Variants in CLPB observed in about 807,000 individuals in gnomAD.
CLPB encodes ClpB family mitochondrial disaggregase.
In CLPB, 40 loss-of-function variants were observed where a neutral mutation model predicts 78.4. The ratio of observed to expected loss-of-function variants is 0.51; its 90% CI spans 0.40 to 0.66. The LOEUF (loss-of-function observed/expected upper bound fraction) is 0.66, where lower values mean the gene tolerates loss of function less well. Ranked by LOEUF, CLPB falls within the 30% of genes least tolerant of loss-of-function variation. The probability of loss-of-function intolerance (pLI) is 0.00; values close to 1 mark genes in which losing one functional copy is unlikely to be tolerated. For missense variants in CLPB, 780 were observed against 886.9 expected, an observed-to-expected ratio of 0.88 and a Z score of 1.53; for synonymous variants, 333 against 348.0, an observed-to-expected ratio of 0.96 and a Z score of 0.48.
At chr11:72,424,904 C>CAA (rs1251770402) in intron 2 of CLPB, among the ~76,000 whole-genome samples, 6 of 149,212 alleles carry the variant, frequency 4.0e-5, no homozygotes, top group African/African-American at 1.5e-4. Context: ...CAAAACAAAA[C>CAA]AAAAAAAAAC....
intron 1 of CLPB, 90 bp from the exon 2 acceptor site, chr11:72,430,453 C>T: frequency 8.9e-7 from 1 of 1,124,696 alleles, no homozygotes. Context: ...AGTGGCAGTA[C>T]TTTAGAAACG....
intron 5 of CLPB, among the ~76,000 whole-genome samples, chr11:72,342,280 A>G (rs1164097179): frequency 6.6e-6 from 1 of 152,210 alleles, no homozygotes; most frequent in Non-Finnish European, 1.5e-5. Flanking sequence ...AGGTGGTATA[A>G]AAACCATGGA....
In CLPB at chr11:72,298,344, C is replaced by T. The variant is rs77206621; in HGVS notation, c.1330-2696G>A. Among the ~76,000 whole-genome samples the T allele has an allele frequency of 1.8e-3, 269 of 152,326 alleles. 2 individuals are homozygous for T. Among genetic ancestry groups the T allele is most frequent in the African/African-American group, 6.2e-3 (259 of 41,554 alleles). On this transcript the variant is annotated intron_variant, in intron 11 of 15. Coordinates refer to ENST00000538039, the MANE Select transcript of CLPB (RefSeq NM_001258392.3). ...CCTGGCACTTGCTGCTTGTCCCTAGCGCAGCACCGACCACAGTGGACTGAA... is the reference window on the plus strand; with the variant it reads ...CCTGGCACTTGCTGCTTGTCCCTAGTGCAGCACCGACCACAGTGGACTGAA...
At chr11:72,370,522 G>A (rs77908390) in intron 4 of CLPB, among the ~76,000 whole-genome samples, 1,552 of 152,304 alleles carry the variant, frequency 0.01, 29 homozygotes, top group East Asian at 0.063. Context: ...GGATGAGGAA[G>A]GGGCTGTGAC....
intron 6 of CLPB, among the ~76,000 whole-genome samples, chr11:72,328,050 T>A (rs775757808): frequency 2.6e-5 from 4 of 152,194 alleles, no homozygotes; most frequent in Non-Finnish European, 5.9e-5. Context: ...CATGGTAGGA[T>A]CACTCTTCTT....
At position 72,390,166 on chromosome 11, in the gene CLPB, A is replaced by C. The variant is rs567199875; in HGVS notation, c.543-9782T>G. Among the ~76,000 whole-genome samples, 3 of 152,058 alleles carry C rather than the reference A, an allele frequency of 2.0e-5. No homozygotes were observed. The South Asian group carries it at 6.3e-4, about 32-fold the overall frequency. On this transcript the variant is annotated intron_variant, in intron 3 of 15. Transcript: ENST00000538039. ...TCAGAAGGCCCAACATGCCAGGCGC[A>C]GTGGCTCATGCCTATAATCCCAGCA...
Position 72,307,242 on chromosome 11 carries a change from A to C in CLPB, c.1079T>G (p.Leu360Arg). 2 of 1,613,976 alleles carry C rather than the reference A, an allele frequency of 1.2e-6. No individual in the cohort carries two copies. Among genetic ancestry groups the C allele is most frequent in the Non-Finnish European group, 1.7e-6 (2 of 1,180,020 alleles). Residue 360 changes from leucine (L) to arginine (R), a missense_variant, in exon 9 of 16, where the codon CTG (leucine) becomes CGG (arginine). Transcript: ENST00000538039. ...CATATATTTGGCTGTCTGCTTGGCC[A>C]GCTCTGTTTTTCCTAGTAAGAAAGA... ...LGSSGIGKTE[L>R]AKQTAKYMHK...
intron 11 of CLPB, among the ~76,000 whole-genome samples, chr11:72,298,452 C>T (rs1949597173): frequency 6.6e-6 from 1 of 152,202 alleles, no homozygotes; most frequent in Non-Finnish European, 1.5e-5. Context: ...CCCCTCTACC[C>T]CACACAGCGC....
Position 72,293,477 on chromosome 11 carries a change from C to T in CLPB, c.1924G>A (p.Glu642Lys). Residue 642 changes from glutamate (E) to lysine (K), a missense_variant, in exon 16 of 16, where the codon GAG becomes AAG. Glu to Lys is a moderately conservative substitution (Grantham distance 56). Around this residue, in one of 3 missense-constraint regions of CLPB, gnomAD observed 272 missense variants for 304.0 expected, o/e 0.89. Coordinates refer to ENST00000538039, the MANE Select transcript of CLPB (RefSeq NM_001258392.3). ...KSPELPSPQA[E>K]KRLPKLRLEI... Reference sequence around the variant, plus strand: ...AGACGCAGCTTGGGGAGGCGCTTCTCAGCCTGGGGTGAGGGCAGTTCTGGG... The same window carrying T: ...AGACGCAGCTTGGGGAGGCGCTTCTTAGCCTGGGGTGAGGGCAGTTCTGGG... The T allele has an allele frequency of 6.2e-7, 1 of 1,614,196 alleles. No homozygotes were observed. Among genetic ancestry groups the T allele is most frequent in the Non-Finnish European group, 8.5e-7 (1 of 1,180,026 alleles).
At position 72,380,350 on chromosome 11, in the gene CLPB, G is replaced by T. The variant is rs1220108445; in HGVS notation, c.577C>A (p.Pro193Thr). The T allele has an allele frequency of 6.2e-7, 1 of 1,614,008 alleles. No homozygotes were observed. The highest frequency in any genetic ancestry group is 1.7e-5 in the Admixed American group (1 of 60,004). Residue 193 changes from proline (P) to threonine (T), a missense_variant, in exon 4 of 16, where the codon CCA becomes ACA. Coordinates refer to ENST00000538039, the MANE Select transcript of CLPB (RefSeq NM_001258392.3). ...CTGCTGAAATCATCTCCAAGGTTTGGATCAGCCCCAGCAGCAAGCAGGACC... is the reference window on the plus strand; with the variant it reads ...CTGCTGAAATCATCTCCAAGGTTTGTATCAGCCCCAGCAGCAAGCAGGACC... ...VQVLLAAGAD[P>T]NLGDDFSSVY...
At chr11:72,429,632 C>A (rs1392242131) in intron 2 of CLPB, among the ~76,000 whole-genome samples, 4 of 152,234 alleles carry the variant, frequency 2.6e-5, no homozygotes, top group Non-Finnish European at 5.9e-5. Flanking sequence ...CTGCCCTTAA[C>A]CAACAGCCCT....
intron 3 of CLPB, among the ~76,000 whole-genome samples, 183 bp from the exon 4 acceptor site, chr11:72,380,567 C>T (rs1854880933): frequency 6.6e-6 from 1 of 152,108 alleles, no homozygotes; most frequent in African/African-American, 2.4e-5. Context: ...GACAGGAGAT[C>T]TTAGCCGGGT....
chr11:72,417,704 G>C (rs1162767942), intron 2 of CLPB, among the ~76,000 whole-genome samples: 1 of 152,182 alleles, frequency 6.6e-6, no homozygotes, highest in South Asian at 2.1e-4. Context: ...CACCCAAAGA[G>C]GGCTGGATGT....
chr11:72,357,624 A>G (rs1436668181), intron 5 of CLPB, among the ~76,000 whole-genome samples: 1 of 142,498 alleles, frequency 7.0e-6, no homozygotes, highest in Non-Finnish European at 1.5e-5. Context: ...TGAACCCGGG[A>G]GGCAGAGGTC....
chr11:72,355,487 A>G (rs1950695766), intron 5 of CLPB: 1 of 152,218 alleles, frequency 6.6e-6, no homozygotes, highest in South Asian at 2.1e-4. Flanking sequence ...GGAACCTACC[A>G]TGTGCCTGCC....
In CLPB at chr11:72,301,932, G is replaced by A. The variant is rs536717344; in HGVS notation, c.1200C>T (p.Tyr400=). 6.2e-6 allele frequency: 10 copies of A among 1,614,152 alleles called. No homozygotes were observed. Among genetic ancestry groups the A allele is most frequent in the African/African-American group, 4.0e-5 (3 of 75,024 alleles). ...VAKFIGSPPG[Y]VGHEEGGQLT... ...GCTGGCCACCCTCCTCATGGCCAAC[G>A]TAGCCTGGTGGAGACCCAATAAACT... The change falls in exon 11 of 16, where the codon TAC becomes TAT. Residue 400 remains tyrosine, a synonymous_variant. Coordinates refer to ENST00000538039, the MANE Select transcript of CLPB (RefSeq NM_001258392.3).
intron 5 of CLPB, among the ~76,000 whole-genome samples, chr11:72,356,570 G>A (rs1248239673): frequency 1.3e-5 from 2 of 152,122 alleles, no homozygotes; most frequent in African/African-American, 2.4e-5. Context: ...AATGGTTTTG[G>A]CCCTTGAGGC....
Position 72,411,452 on chromosome 11 carries a change from C to A in CLPB, c.456-8400G>T, listed in dbSNP as rs1253491546. 2.0e-5 allele frequency among the ~76,000 whole-genome samples: 3 copies of A among 152,254 alleles called. No individual in the cohort carries two copies. In the East Asian group the frequency reaches 5.8e-4, roughly 29 times the overall value. ...ACAATAAATGTCTTTGTGGTCCTTA[C>A]TTTTATCTGCAGTAAAAGAAGGAAA... On this transcript the variant is annotated intron_variant, in intron 2 of 15. Coordinates refer to ENST00000538039, the MANE Select transcript of CLPB (RefSeq NM_001258392.3).
intron 2 of CLPB, among the ~76,000 whole-genome samples, chr11:72,405,376 G>A (rs958850907): frequency 2.0e-5 from 3 of 152,138 alleles, no homozygotes; most frequent in African/African-American, 7.2e-5. Context: ...CTGAGATATG[G>A]GCTCTTTTGT....
Sources: allele counts gnomAD v4.1 joint callset (sites outside exome capture counted in the v4.1 genomes callset), GRCh38; gene constraint gnomAD v4.1.1; regional missense constraint gnomAD v4.1.1; transcripts MANE v1.5; gene names NCBI Gene and HGNC (gene_info 2026-07-23, HGNC 2026-07-21).